Variants in ACSM1 observed in about 807,000 individuals in gnomAD.
ACSM1 encodes acyl-coenzyme A synthetase ACSM1, mitochondrial.
Under a neutral mutation model 75.8 loss-of-function variants are expected in ACSM1, and 79 were observed. The observed-to-expected ratio is 1.04, with a 90% confidence interval of 0.87 to 1.26. The LOEUF (loss-of-function observed/expected upper bound fraction) is 1.26. Ranked by LOEUF, ACSM1 falls within the 50% of genes most tolerant of loss-of-function variation. ACSM1 has a pLI of 0.00. For missense variants in ACSM1, 676 were observed against 720.1 expected (o/e 0.94, Z 0.70); for synonymous variants, 279 against 265.8 (o/e 1.05, Z -0.48).
At chr16:20,653,354 T>C (rs1427979265) in intron 7 of ACSM1, among the ~76,000 whole-genome samples, 1 of 152,212 alleles carries the variant, frequency 6.6e-6, no homozygotes, top group Non-Finnish European at 1.5e-5. Context: ...AAGACAGGGA[T>C]GCCCTCTCTT....
chr16:20,625,262 G>A (rs2016849262), intron 12 of ACSM1, among the ~76,000 whole-genome samples, 161 bp downstream of exon 12: 1 of 152,152 alleles, frequency 6.6e-6, no homozygotes, highest in African/African-American at 2.4e-5. Context: ...TTTATTCAGA[G>A]CCACAGAGAG....
intron 10 of ACSM1, among the ~76,000 whole-genome samples, chr16:20,628,718 C>G (rs2017149502): frequency 6.6e-6 from 1 of 152,058 alleles, no homozygotes; most frequent in Non-Finnish European, 1.5e-5. Context: ...CAGGTTTTGA[C>G]TATTTAGAGT....
chr16:20,661,846 A>C lies in ACSM1; in HGVS notation c.940T>G (p.Phe314Val), dbSNP rs377430734. The change falls in exon 7 of 14, where the codon TTT (phenylalanine) becomes GTT (valine). Residue 314 changes from phenylalanine (F) to valine (V), a missense_variant. By Grantham distance (50) the Phe-to-Val change is conservative. Transcript: ENST00000520010. ...QTLLKYPINH[F>V]WGVSSIYRMI... Reference sequence around the variant, plus strand: ...CGATATATAGATGATACCCCCCAAAAGTGGTTAATGGGGTATTTCAACAAT... The same window carrying C: ...CGATATATAGATGATACCCCCCAAACGTGGTTAATGGGGTATTTCAACAAT... 26 of 1,609,002 alleles carry C rather than the reference A, an allele frequency of 1.6e-5. No individual in the cohort carries two copies. Among genetic ancestry groups the C allele is most frequent in the Non-Finnish European group, 2.0e-5 (24 of 1,176,464 alleles).
intron 4 of ACSM1, chr16:20,681,463 T>G (rs1487777248): frequency 6.6e-6 from 1 of 152,198 alleles, no homozygotes; most frequent in Non-Finnish European, 1.5e-5. Flanking sequence ...TCTCAACCTT[T>G]GGAGGATTCA....
chr16:20,694,225 T>C (rs1442595722), intron 1 of ACSM1, among the ~76,000 whole-genome samples: 1 of 152,208 alleles, frequency 6.6e-6, no homozygotes, highest in Non-Finnish European at 1.5e-5. Flanking sequence ...TGAGGTCCCG[T>C]TCCAGCCAGT....
chr16:20,680,628 G>A (rs776298283), intron 4 of ACSM1: 6 of 152,226 alleles, frequency 3.9e-5, no homozygotes, highest in Admixed American at 6.5e-5. Context: ...GTTGGGGAAA[G>A]GCTTTCACAG....
intron 10 of ACSM1, among the ~76,000 whole-genome samples, chr16:20,635,606 T>G (rs1477150046): frequency 9.9e-6 from 1 of 100,618 alleles, no homozygotes. Context: ...CTTTCTTTCT[T>G]TCTTTCTTTC....
In ACSM1 at chr16:20,682,312, C is replaced by T; in HGVS notation, c.555G>A (p.Lys185=). The T allele has an allele frequency of 1.2e-6, 2 of 1,613,896 alleles. No individual in the cohort carries two copies. Among genetic ancestry groups the T allele is most frequent in the African/African-American group, 1.3e-5 (1 of 75,014 alleles). Residue 185 remains lysine (K), a synonymous_variant, in exon 4 of 14, where the codon AAG becomes AAA. Coordinates refer to ENST00000520010, the MANE Select transcript of ACSM1 (RefSeq NM_001318890.3). ...IASQCPSLKT[K]LLVSDHSREG... ...CACGGCTGTGATCAGACACCAGGAG[C>T]TTGGTTTTCAGAGAGGGGCACTGAG...
intron 7 of ACSM1, among the ~76,000 whole-genome samples, chr16:20,641,273 G>A (rs774260071): frequency 2.0e-5 from 3 of 152,208 alleles, no homozygotes; most frequent in Non-Finnish European, 2.9e-5. Context: ...AATAGAGGTG[G>A]CCTTGCAAAG....
intron 3 of ACSM1, 63 bp downstream of exon 3, chr16:20,685,130 T>C (rs2079523141): frequency 5.1e-6 from 8 of 1,568,578 alleles, no homozygotes; most frequent in African/African-American, 1.4e-5. Flanking sequence ...GCACCTAATA[T>C]CTCAGGACCC....
At chr16:20,628,839 C>T (rs2017163281) in intron 10 of ACSM1, among the ~76,000 whole-genome samples, 1 of 152,136 alleles carries the variant, frequency 6.6e-6, no homozygotes, top group Admixed American at 6.5e-5. Flanking sequence ...CATTTGCTTG[C>T]TCAGAGTCAC....
intron 7 of ACSM1, among the ~76,000 whole-genome samples, chr16:20,647,900 C>T (rs1157836393): frequency 6.6e-6 from 1 of 152,130 alleles, no homozygotes; most frequent in Non-Finnish European, 1.5e-5. Flanking sequence ...GAACACGTTC[C>T]TTATAAATGC....
At chr16:20,672,534 T>G (rs7501250) in intron 4 of ACSM1, among the ~76,000 whole-genome samples, 7 of 133,224 alleles carry the variant, frequency 5.3e-5, no homozygotes, top group Non-Finnish European at 9.3e-5. Context: ...TATATTAAAT[T>G]TATATATAAA....
At chr16:20,645,963 G>C (rs1393120554) in intron 7 of ACSM1, among the ~76,000 whole-genome samples, 1 of 152,166 alleles carries the variant, frequency 6.6e-6, no homozygotes, top group Non-Finnish European at 1.5e-5. Flanking sequence ...TAATCTTAAA[G>C]GATAAGTTTA....
intron 8 of ACSM1, among the ~76,000 whole-genome samples, chr16:20,638,785 C>T (rs2152213702): frequency 6.6e-6 from 1 of 152,272 alleles, no homozygotes; most frequent in South Asian, 2.1e-4. Context: ...ACTGCTCACA[C>T]TGTAGGCATG....
rs55913255 is a variant in ACSM1, at chr16:20,671,440, GACACACACAC to G, written c.752+81_752+90del. 207 of 970,758 alleles carry G rather than the reference GACACACACAC, an allele frequency of 2.1e-4. No homozygotes were observed. The East Asian group carries it at 3.5e-3, about 16-fold the overall frequency. The allele number at this position is 970,758 out of a possible 1,614,324, so 60.1% of individuals were successfully genotyped here. A position where few individuals can be genotyped will look rare whatever the true frequency, so the allele number is the denominator to read the frequency against. On this transcript the variant is annotated intron_variant, in intron 5 of 13. Coordinates refer to ENST00000520010, the MANE Select transcript of ACSM1 (RefSeq NM_001318890.3). Reference sequence around the variant, plus strand: ...CTTCTACTTCCAGTTCCTTTCCCAAGACACACACACACACACACACACACACACACACACA... The same window carrying G: ...CTTCTACTTCCAGTTCCTTTCCCAAGACACACACACACACACACACACACA...
intron 11 of ACSM1, among the ~76,000 whole-genome samples, chr16:20,625,847 A>G (rs546522953): frequency 4.6e-5 from 7 of 152,228 alleles, no homozygotes; most frequent in Non-Finnish European, 1.0e-4. Flanking sequence ...GGTCTTAAAC[A>G]TTCATGCAAA....
At chr16:20,625,645 C>T (rs571714459) in intron 11 of ACSM1, 123 bp from the exon 12 acceptor site, 1 of 799,914 alleles carries the variant, frequency 1.3e-6, no homozygotes, top group African/African-American at 1.7e-5. Context: ...AGCCAGGGAC[C>T]CCTGACTTGT....
rs1414833232 is a variant in ACSM1, at chr16:20,681,131, C to G, written c.611+1125G>C. 4 of 152,218 alleles carry G rather than the reference C, an allele frequency of 2.6e-5. No individual in the cohort carries two copies. In the East Asian group the frequency reaches 7.7e-4, roughly 29 times the overall value. The allele number at this position is 152,218 out of a possible 1,614,324, so 9.4% of individuals were successfully genotyped here. A position where few individuals can be genotyped will look rare whatever the true frequency, so the allele number is the denominator to read the frequency against. On this transcript the variant is annotated intron_variant, in intron 4 of 13. Transcript: ENST00000520010. ...AGATGGGTCATGGGGTTACCACACC[C>G]CAATCTATATGCTCAACTGCATCAT...
Sources: allele counts gnomAD v4.1 joint callset (sites outside exome capture counted in the v4.1 genomes callset), GRCh38; gene constraint gnomAD v4.1.1; transcripts MANE v1.5; gene names NCBI Gene and HGNC (gene_info 2026-07-23, HGNC 2026-07-21).